Variants in TOMM70 observed in about 807,000 individuals in gnomAD.
TOMM70 encodes mitochondrial import receptor subunit TOM70.
TOMM70 carries 13 observed loss-of-function variants against 73.6 expected under a neutral mutation model. That is an observed-to-expected ratio of 0.18 (90% CI 0.11 to 0.28). TOMM70 has a LOEUF of 0.28. TOMM70 is among the 10% of genes least tolerant of loss of function. The probability of loss-of-function intolerance (pLI) is 1.00; values close to 1 mark genes in which losing one functional copy is unlikely to be tolerated. For synonymous variants in TOMM70, 257 were observed against 271.2 expected (o/e 0.95, Z 0.51); for missense variants, 609 against 747.5 (o/e 0.81, Z 2.16).
rs1706524650 is a variant in TOMM70 at position 100,372,725 on chromosome 3, A to G, written c.1336-3T>C. 1 of 1,610,854 alleles carries G rather than the reference A, an allele frequency of 6.2e-7. No individual in the cohort carries two copies. On this transcript the variant is annotated splice_region_variant and splice_polypyrimidine_tract_variant and intron_variant, in intron 8 of 11. Transcript: ENST00000284320. ...TTTCCCGTATATGCCTGGCGGTACT[A>G]TAAAAAATCAAAACAGGCCTGTCAA...
chr3:100,388,198 AAC>A (rs1194516819), intron 1 of TOMM70, among the ~76,000 whole-genome samples: 1 of 152,214 alleles, frequency 6.6e-6, no homozygotes, highest in Non-Finnish European at 1.5e-5. Context: ...TGCCAGGACT[AAC>A]AGAGACTGCT....
At chr3:100,376,838 CTACA>C (rs762457394) in intron 6 of TOMM70, among the ~76,000 whole-genome samples, 2 of 152,016 alleles carry the variant, frequency 1.3e-5, no homozygotes, top group East Asian at 1.9e-4. Flanking sequence ...CAAAGCAATA[CTACA>C]TACATATAGA....
At chr3:100,368,866 G>A (rs1037725443) in intron 10 of TOMM70, among the ~76,000 whole-genome samples, 172 bp downstream of exon 10, 6 of 152,230 alleles carry the variant, frequency 3.9e-5, no homozygotes, top group African/African-American at 9.6e-5. Context: ...AAGCCACTGC[G>A]CCTGGCCTCC....
rs945956725 is a variant in TOMM70, at chr3:100,400,926, C to T, written c.24G>A (p.Glu8=). MAASKPV[E]AAVVAAAVPS... ...GTACAGCGGCTGCGACCACCGCTGCCTCCACAGGTTTAGAGGCGGCCATGA... is the reference window on the plus strand; with the variant it reads ...GTACAGCGGCTGCGACCACCGCTGCTTCCACAGGTTTAGAGGCGGCCATGA... Residue 8 remains glutamate (E), a synonymous_variant, in exon 1 of 12, where the codon GAG becomes GAA. Coordinates refer to ENST00000284320, the MANE Select transcript of TOMM70 (RefSeq NM_014820.5). 3.3e-6 allele frequency: 5 copies of T among 1,532,188 alleles called. No homozygotes were observed. In the African/African-American group the frequency reaches 6.9e-5, roughly 21 times the overall value. 94.9% of individuals were successfully genotyped at this position (1,532,188 alleles called of 1,614,324 possible).
At chr3:100,399,587 A>G (rs1170633785) in intron 1 of TOMM70, among the ~76,000 whole-genome samples, 1 of 152,196 alleles carries the variant, frequency 6.6e-6, no homozygotes, top group East Asian at 1.9e-4. Context: ...AAAACCATAC[A>G]AAGCAGTTCA....
intron 5 of TOMM70, among the ~76,000 whole-genome samples, chr3:100,380,122 G>A (rs1432564462): frequency 2.6e-5 from 4 of 152,088 alleles, no homozygotes; most frequent in Non-Finnish European, 5.9e-5. Context: ...GAGGTGGGTG[G>A]ATCACCTGAG....
At chr3:100,373,139 A>G (rs1706528437) in intron 8 of TOMM70, among the ~76,000 whole-genome samples, 1 of 140,214 alleles carries the variant, frequency 7.1e-6, no homozygotes, top group African/African-American at 3.0e-5. Flanking sequence ...AAAAATTTTT[A>G]CTTAAAAAAA....
chr3:100,385,932 T>G (rs1403382965), intron 3 of TOMM70, among the ~76,000 whole-genome samples: 3 of 152,192 alleles, frequency 2.0e-5, no homozygotes, highest in Non-Finnish European at 4.4e-5. Flanking sequence ...TCTTTTCTGA[T>G]TTCCTTATTC....
chr3:100,368,908 C>G, intron 10 of TOMM70, 130 bp downstream of exon 10: 1 of 645,944 alleles, frequency 1.5e-6, no homozygotes, highest in Non-Finnish European at 2.7e-6. Flanking sequence ...GAAAAGACAT[C>G]TAGGAGCATT....
intron 1 of TOMM70, among the ~76,000 whole-genome samples, chr3:100,393,324 C>T (rs11711112): frequency 0.74 from 112,138 of 152,120 alleles, 42,234 homozygotes; most frequent in East Asian, 0.94. Context: ...AGGCCAATAT[C>T]CTAAGTGAAG....
rs757428481 is a variant in TOMM70, at chr3:100,373,523, G to T, written c.1335+15C>A. ...AAGTGATGTTTAGGAAAATACAAAA[G>T]AAAGTAGTACCTACCAATGCAAAAC... On this transcript the variant is annotated intron_variant, in intron 8 of 11. Transcript: ENST00000284320. The T allele has an allele frequency of 6.4e-7, 1 of 1,567,028 alleles. No individual in the cohort carries two copies. The highest frequency in any genetic ancestry group is 8.6e-7 in the Non-Finnish European group (1 of 1,158,110).
At chr3:100,394,983 G>A (rs1377549563) in intron 1 of TOMM70, among the ~76,000 whole-genome samples, 1 of 152,134 alleles carries the variant, frequency 6.6e-6, no homozygotes, top group Non-Finnish European at 1.5e-5. Context: ...CTTTACCTAG[G>A]AAGAATATAC....
chr3:100,400,574 G>T, intron 1 of TOMM70, 52 bp downstream of exon 1: 1 of 1,575,026 alleles, frequency 6.3e-7, no homozygotes. Flanking sequence ...ACCCGCCAAG[G>T]AAAAGCTGCA....
intron 1 of TOMM70, among the ~76,000 whole-genome samples, chr3:100,399,416 G>A (rs1463778075): frequency 6.6e-6 from 1 of 152,076 alleles, no homozygotes; most frequent in Non-Finnish European, 1.5e-5. Context: ...GGAGATATTT[G>A]ACCAAACGTT....
chr3:100,376,369 G>GTTTTTTTTTTTTTTT lies in TOMM70; in HGVS notation c.1093-1232_1093-1218dup, dbSNP rs141227349. Among the ~76,000 whole-genome samples the GTTTTTTTTTTTTTTT allele has an allele frequency of 5.8e-4, 71 of 121,756 alleles. 6 individuals carry two copies. Among genetic ancestry groups the GTTTTTTTTTTTTTTT allele is most frequent in the African/African-American group, 2.5e-3 (68 of 27,046 alleles). 79.9% of individuals were successfully genotyped at this position (121,756 alleles called of 152,430 possible). Reference sequence around the variant, plus strand: ...CTTGATGGTGTCTTTTCACACAGAAGTTTTTTTTTTTTTTTGAGACAGGAT... The same window carrying GTTTTTTTTTTTTTTT: ...CTTGATGGTGTCTTTTCACACAGAAGTTTTTTTTTTTTTTTTTTTTTTTTTTTTTTGAGACAGGAT... On this transcript the variant is annotated intron_variant, in intron 6 of 11. Coordinates refer to ENST00000284320, the MANE Select transcript of TOMM70 (RefSeq NM_014820.5).
chr3:100,374,938 A>G (rs1706546137), intron 7 of TOMM70, 80 bp downstream of exon 7: 4 of 1,415,138 alleles, frequency 2.8e-6, no homozygotes, highest in Non-Finnish European at 3.7e-6. Context: ...AAAACTCAAG[A>G]AAATTACATA....
intron 6 of TOMM70, among the ~76,000 whole-genome samples, chr3:100,376,369 G>GTTTTTTGTTTTTTTTTTTTTTT (rs1553737780): frequency 8.2e-6 from 1 of 121,768 alleles, no homozygotes; most frequent in African/African-American, 3.7e-5. Flanking sequence ...TCACACAGAA[G>GTTTTTTGTTTTTTTTTTTTTTT]TTTTTTTTTT....
Position 100,363,606 on chromosome 3 carries a change from G to A in TOMM70, c.*1958C>T, listed in dbSNP as rs1706417676. 6.6e-6 allele frequency: 1 copy of A among 152,578 alleles called. No individual in the cohort carries two copies. The highest frequency in any genetic ancestry group is 2.1e-4 in the South Asian group (1 of 4,830). 9.5% of individuals were successfully genotyped at this position (152,578 alleles called of 1,614,324 possible). Reference sequence around the variant, plus strand: ...GAATTTGGAATGACAGTATAGAATGGCACATGCTTCAGTTTCCTTTGTGTT... The same window carrying A: ...GAATTTGGAATGACAGTATAGAATGACACATGCTTCAGTTTCCTTTGTGTT... On this transcript the variant is annotated 3_prime_UTR_variant, in exon 12 of 12. Coordinates refer to ENST00000284320, the MANE Select transcript of TOMM70 (RefSeq NM_014820.5).
At chr3:100,372,465 C>A in intron 9 of TOMM70, 141 bp downstream of exon 9, 1 of 642,960 alleles carries the variant, frequency 1.6e-6, no homozygotes, top group South Asian at 2.4e-5. Flanking sequence ...CGGGACCAAC[C>A]AGGGGCCATG....
Sources: gnomAD v4.1 joint callset for allele counts (sites outside exome capture counted in the v4.1 genomes callset) on GRCh38, gnomAD v4.1.1 for gene constraint, MANE v1.5 for transcripts, NCBI Gene and HGNC (gene_info 2026-07-23, HGNC 2026-07-21) for gene names.